ADGRL3: variants seen among roughly 807,000 people sequenced by gnomAD.
ADGRL3 encodes the protein calcium-independent alpha-latrotoxin receptor 3.
Under a neutral mutation model 153.5 loss-of-function variants are expected in ADGRL3, and 62 were observed. The ratio of observed to expected loss-of-function variants is 0.40; its 90% CI spans 0.33 to 0.50. ADGRL3 has a LOEUF of 0.50. Ranked by LOEUF, ADGRL3 falls within the 20% of genes least tolerant of loss-of-function variation. The pLI, the probability that ADGRL3 is intolerant of heterozygous loss-of-function variation, is 0.47. For synonymous variants in ADGRL3, 710 were observed against 672.5 expected (o/e 1.06, Z -0.86); for missense variants, 1,641 against 1,859.4 (o/e 0.88, Z 2.16).
At chr4:61,538,138 AAAAATAAAAT>A (rs1194980641) in intron 4 of ADGRL3, among the ~76,000 whole-genome samples, 1 of 152,174 alleles carries the variant, frequency 6.6e-6, no homozygotes, top group Non-Finnish European at 1.5e-5. Flanking sequence ...TGGGAAATAA[AAAAATAAAAT>A]AAAATAAAAT....
At chr4:61,527,169 T>G (rs894079786) in intron 4 of ADGRL3, among the ~76,000 whole-genome samples, 4 of 152,046 alleles carry the variant, frequency 2.6e-5, no homozygotes, top group African/African-American at 9.7e-5. Flanking sequence ...CTCAATTTTA[T>G]TGAAAACTTC....
intron 8 of ADGRL3, among the ~76,000 whole-genome samples, chr4:61,767,699 A>G (rs2097014383): frequency 6.6e-6 from 1 of 152,118 alleles, no homozygotes; most frequent in African/African-American, 2.4e-5. Context: ...CTTAGGAGGA[A>G]TCCTGGGCTG....
intron 5 of ADGRL3, among the ~76,000 whole-genome samples, chr4:61,627,646 CACAA>C (rs987694921): frequency 5.3e-5 from 8 of 151,904 alleles, no homozygotes; most frequent in Admixed American, 2.6e-4. Flanking sequence ...AATAAAGAAA[CACAA>C]ACAAACAAAA....
At chr4:61,564,625 T>C (rs985704273) in intron 4 of ADGRL3, among the ~76,000 whole-genome samples, 22 of 152,204 alleles carry the variant, frequency 1.4e-4, no homozygotes, top group African/African-American at 5.3e-4. Flanking sequence ...CAAGAAAATT[T>C]CCTTTACATT....
chr4:61,758,935 A>T (rs2096873790), intron 8 of ADGRL3, among the ~76,000 whole-genome samples: 1 of 152,104 alleles, frequency 6.6e-6, no homozygotes, highest in Non-Finnish European at 1.5e-5. Context: ...TCCTTCACTT[A>T]TGAAGCTTAG....
At chr4:61,804,786 A>T (rs1037150955) in intron 8 of ADGRL3, among the ~76,000 whole-genome samples, 1 of 152,142 alleles carries the variant, frequency 6.6e-6, no homozygotes, top group African/African-American at 2.4e-5. Flanking sequence ...TTGTCACACT[A>T]CATCATTGAT....
intron 1 of ADGRL3, among the ~76,000 whole-genome samples, chr4:61,255,089 G>T (rs2091831011): frequency 6.6e-6 from 1 of 152,088 alleles, no homozygotes; most frequent in African/African-American, 2.4e-5. Flanking sequence ...TAGATTAAAA[G>T]ATGTTGCTAT....
intron 11 of ADGRL3, among the ~76,000 whole-genome samples, chr4:61,908,839 A>G (rs991547518): frequency 2.6e-5 from 4 of 152,122 alleles, no homozygotes; most frequent in Non-Finnish European, 5.9e-5. Flanking sequence ...ATTAATATAT[A>G]TTCCTAACTT....
rs1382793245 is a variant in ADGRL3 at position 61,630,751 on chromosome 4, T to G, written c.473+43311T>G. 3.3e-5 allele frequency among the ~76,000 whole-genome samples: 5 copies of G among 152,352 alleles called. No homozygotes were observed. In the East Asian group the frequency reaches 5.8e-4, roughly 18 times the overall value. On this transcript the variant is annotated intron_variant, in intron 5 of 26. Coordinates refer to ENST00000683033, the MANE Select transcript of ADGRL3 (RefSeq NM_001387552.1). ...TGGTCACAAAGTAGATATACAAATG[T>G]GTGCAAAGCACATATGGAGCCGTTT...
intron 8 of ADGRL3, among the ~76,000 whole-genome samples, chr4:61,767,587 A>T (rs1047422815): frequency 5.3e-5 from 8 of 152,160 alleles, no homozygotes; most frequent in Non-Finnish European, 8.8e-5. Context: ...AGAAGGAGTC[A>T]GTCAGAGAGC....
intron 9 of ADGRL3, among the ~76,000 whole-genome samples, chr4:61,881,048 TTA>T (rs2098505511): frequency 6.6e-6 from 1 of 152,184 alleles, no homozygotes; most frequent in African/African-American, 2.4e-5. Flanking sequence ...TGTTTCATCC[TTA>T]TGTTTATTTG....
chr4:61,989,522 C>T (rs575869805), intron 19 of ADGRL3, among the ~76,000 whole-genome samples: 29 of 151,978 alleles, frequency 1.9e-4, no homozygotes, highest in African/African-American at 7.0e-4. Context: ...TTATTAAAGG[C>T]CAAGAACATT....
intron 1 of ADGRL3, among the ~76,000 whole-genome samples, chr4:61,347,597 T>A (rs907983803): frequency 6.6e-6 from 1 of 152,084 alleles, no homozygotes; most frequent in African/African-American, 2.4e-5. Context: ...AAGTAATGAC[T>A]CAATTCAAAT....
At chr4:61,949,588 GGGAGGCTGAGGCA>G (rs1560418362) in intron 17 of ADGRL3, among the ~76,000 whole-genome samples, 1 of 151,850 alleles carries the variant, frequency 6.6e-6, no homozygotes, top group Non-Finnish European at 1.5e-5. Context: ...CCAGCTACTC[GGGAGGCTGAGGCA>G]GGAGGATCAC....
rs1202839020 is a variant in ADGRL3 at position 61,733,218 on chromosome 4, A to G, written c.1063A>G (p.Ile355Val). Reference protein sequence around the residue: ...ATEQNNGKIVISQLNPYTLRI... With the variant: ...ATEQNNGKIVVSQLNPYTLRI... ...AGAACAAAACAATGGTAAAATTGTC[A>G]TTAGTCAATTGAACCCTTACACCCT... The change falls in exon 8 of 27, where the codon ATT (isoleucine) becomes GTT (valine). Residue 355 changes from isoleucine (I) to valine (V), a missense_variant. Around this residue, in one of 5 missense-constraint regions of ADGRL3, gnomAD observed 213 missense variants for 362.1 expected, o/e 0.59. Coordinates refer to ENST00000683033, the MANE Select transcript of ADGRL3 (RefSeq NM_001387552.1). 3 of 1,613,262 alleles carry G rather than the reference A, an allele frequency of 1.9e-6. No individual in the cohort carries two copies. The highest frequency in any genetic ancestry group is 1.7e-5 in the Admixed American group (1 of 59,842).
intron 8 of ADGRL3, among the ~76,000 whole-genome samples, chr4:61,776,822 A>G (rs2097156815): frequency 6.6e-6 from 1 of 152,178 alleles, no homozygotes; most frequent in African/African-American, 2.4e-5. Flanking sequence ...TCCCAAAACA[A>G]TGCATCAACA....
intron 2 of ADGRL3, chr4:61,420,493 G>A (rs375135972): frequency 2.3e-5 from 3 of 130,122 alleles, no homozygotes; most frequent in Non-Finnish European, 3.1e-5. Context: ...TGAAAGCTCC[G>A]CCTCCCGGGT....
At chr4:61,867,515 C>T (rs375488807) in intron 9 of ADGRL3, among the ~76,000 whole-genome samples, 8 of 81,162 alleles carry the variant, frequency 9.9e-5, no homozygotes, top group East Asian at 3.0e-4. Flanking sequence ...AATATATATG[C>T]ATATATATAT....
chr4:61,484,712 A>G (rs995443324), intron 2 of ADGRL3, among the ~76,000 whole-genome samples: 6 of 152,200 alleles, frequency 3.9e-5, no homozygotes, highest in African/African-American at 1.4e-4. Context: ...AAGTGTTCTT[A>G]TAATTGAATA....
Sources: gnomAD v4.1 joint callset for allele counts (sites outside exome capture counted in the v4.1 genomes callset) on GRCh38, gnomAD v4.1.1 for gene constraint, gnomAD v4.1.1 regional missense constraint, MANE v1.5 for transcripts, NCBI Gene and HGNC (gene_info 2026-07-23, HGNC 2026-07-21) for gene names.